The following CETP variants were observed in gnomAD, a reference collection of about 807,000 sequenced individuals.
CETP encodes the protein BPI fold containing family F.
CETP carries 56 observed loss-of-function variants against 66.5 expected under a neutral mutation model. That is an observed-to-expected ratio of 0.84 (90% CI 0.68 to 1.05). The LOEUF (loss-of-function observed/expected upper bound fraction) is 1.05, where lower values mean the gene tolerates loss of function less well. Among genes scored for constraint, CETP ranks in the 50% least tolerant of loss-of-function variants. The pLI, the probability that CETP is intolerant of heterozygous loss-of-function variation, is 0.00. For synonymous variants in CETP, 251 were observed against 245.7 expected (o/e 1.02, Z -0.20); for missense variants, 612 against 609.6 (o/e 1.00, Z -0.04).
In CETP at chr16:56,982,063, G is replaced by A. The variant is rs527900327; in HGVS notation, c.1249-102G>A. 146 of 1,108,142 alleles carry A rather than the reference G, an allele frequency of 1.3e-4. 1 individual carries two copies. In the African/African-American group the frequency reaches 1.6e-3, roughly 12 times the overall value. 68.6% of individuals were successfully genotyped at this position (1,108,142 alleles called of 1,614,324 possible). A position where few individuals can be genotyped will look rare whatever the true frequency, so the allele number is the denominator to read the frequency against. On this transcript the variant is annotated intron_variant, in intron 13 of 15. Coordinates refer to ENST00000200676, the MANE Select transcript of CETP (RefSeq NM_000078.3). ...AGTGGGTTGGATGTATTTTTTTCAC[G>A]GATGGGCATGAGGATGAATGCTTGT...
At chr16:56,980,631 A>C (rs1169175223) in intron 11 of CETP, among the ~76,000 whole-genome samples, 1 of 152,210 alleles carries the variant, frequency 6.6e-6, no homozygotes, top group Non-Finnish European at 1.5e-5. Context: ...TGTTAAAAAA[A>C]AGAATTATTC....
At chr16:56,982,633 C>T (rs1348104238) in intron 14 of CETP, among the ~76,000 whole-genome samples, 1 of 152,180 alleles carries the variant, frequency 6.6e-6, no homozygotes, top group African/African-American at 2.4e-5. Flanking sequence ...TCCCAATTTT[C>T]CTTTTGACCT....
intron 1 of CETP, among the ~76,000 whole-genome samples, chr16:56,962,628 TA>T (rs2056032162): frequency 6.6e-6 from 1 of 151,792 alleles, no homozygotes; most frequent in Admixed American, 6.6e-5. Context: ...TAAAATAGAG[TA>T]TCGCCAAGTT....
At chr16:56,973,267 C>A in intron 8 of CETP, 64 bp from the exon 9 acceptor site, 1 of 1,565,568 alleles carries the variant, frequency 6.4e-7, no homozygotes, top group Non-Finnish European at 8.8e-7. Context: ...CCCAATCTCC[C>A]TGAAGCTGGA....
rs7192120 is a variant in CETP at position 56,981,172 on chromosome 16, C to T, written c.1161C>T (p.Thr387=). Residue 387 remains threonine, a synonymous_variant, in exon 12 of 16, where the codon ACC becomes ACT. Transcript: ENST00000200676. The stretch of plus-strand genomic sequence containing the variant: ...TCTCTCCCCAGGATATCGTGACTAC[C>T]GTCCAGGCCTCCTATTCTAAGAAAA... The part of the protein sequence containing the change: ...AYTFEEDIVT[T]VQASYSKKKL... 1.8e-3 allele frequency: 2,888 copies of T among 1,613,300 alleles called. 6 individuals carry two copies. The highest frequency in any genetic ancestry group is 6.9e-3 in the African/African-American group (520 of 75,006).
chr16:56,982,187 G>A lies in CETP; in HGVS notation c.1271G>A (p.Ser424Asn). 1 of 1,614,202 alleles carries A rather than the reference G, an allele frequency of 6.2e-7. No homozygotes were observed. The highest frequency in any genetic ancestry group is 8.5e-7 in the Non-Finnish European group (1 of 1,180,030). ...LTESSSESVQSFLQSMITAVG... is the reference protein window; with the variant it reads ...LTESSSESVQNFLQSMITAVG... ...CAGAGCAGCTCCGAGTCCGTCCAGA[G>A]CTTCCTGCAGTCAATGATCACCGCT... The change falls in exon 14 of 16, where the codon AGC becomes AAC. Residue 424 changes from serine to asparagine, a missense_variant. By Grantham distance (46) the Ser-to-Asn change is conservative (BLOSUM62 1). Transcript: ENST00000200676.
chr16:56,972,039 G>A lies in CETP; in HGVS notation c.706G>A (p.Gly236Ser), dbSNP rs1207718100. 1.2e-5 allele frequency: 20 copies of A among 1,614,054 alleles called. No homozygotes were observed. Among genetic ancestry groups the A allele is most frequent in the African/African-American group, 5.3e-5 (4 of 74,916 alleles). The change falls in exon 8 of 16, where the codon GGT (glycine) becomes AGT (serine). Residue 236 changes from glycine to serine, a missense_variant. Gly to Ser is a moderately conservative substitution (Grantham distance 56). Transcript: ENST00000200676. ...CATTGGGGTGGACATTTCCCTGACAGGTGATCCCGTCATCACAGCCTCCTA... is the reference window on the plus strand; with the variant it reads ...CATTGGGGTGGACATTTCCCTGACAAGTGATCCCGTCATCACAGCCTCCTA... Reference protein sequence around the residue: ...GDIGVDISLTGDPVITASYLE... With the variant: ...GDIGVDISLTSDPVITASYLE...
chr16:56,963,819 T>C (rs1037209103), intron 2 of CETP, among the ~76,000 whole-genome samples: 3 of 151,262 alleles, frequency 2.0e-5, no homozygotes, highest in Admixed American at 1.3e-4. Context: ...CAGGCACACG[T>C]CACCACATCC....
rs1479890768 is a variant in CETP at position 56,983,358 on chromosome 16, A to G, written c.1354A>G (p.Ser452Gly). ...LEVVFTALMNSKGVSLFDIIN... is the reference protein window; with the variant it reads ...LEVVFTALMNGKGVSLFDIIN... ...GGTAGTGTTTACAGCCCTCATGAACAGCAAAGGCGTGAGCCTCTTCGACAT... is the reference window on the plus strand; with the variant it reads ...GGTAGTGTTTACAGCCCTCATGAACGGCAAAGGCGTGAGCCTCTTCGACAT... The change falls in exon 15 of 16, where the codon AGC (serine) becomes GGC (glycine). Residue 452 changes from serine to glycine, a missense_variant. By Grantham distance (56) the Ser-to-Gly change is moderately conservative. Coordinates refer to ENST00000200676, the MANE Select transcript of CETP (RefSeq NM_000078.3). 1.2e-5 allele frequency: 19 copies of G among 1,614,144 alleles called. No homozygotes were observed. The highest frequency in any genetic ancestry group is 1.6e-5 in the Non-Finnish European group (19 of 1,180,056).
chr16:56,972,131 T>C, intron 8 of CETP, 48 bp downstream of exon 8: 1 of 1,474,862 alleles, frequency 6.8e-7, no homozygotes, highest in Non-Finnish European at 9.5e-7. Context: ...CCCAGGGGAG[T>C]TGGTCCTTTT....
intron 2 of CETP, among the ~76,000 whole-genome samples, chr16:56,964,426 A>G (rs1428853796): frequency 6.6e-6 from 1 of 152,194 alleles, no homozygotes; most frequent in African/African-American, 2.4e-5. Context: ...AGGAGCCGAT[A>G]GAGGTTTAGC....
chr16:56,973,321 C>G lies in CETP; in HGVS notation c.751-10C>G. On this transcript the variant is annotated splice_polypyrimidine_tract_variant and intron_variant, in intron 8 of 15. Coordinates refer to ENST00000200676, the MANE Select transcript of CETP (RefSeq NM_000078.3). ...ACACAGGGTCCAGCCAGCGTCCTGG[C>G]TTCCTCCAGGGTCATTTCATCTACA... The G allele has an allele frequency of 6.2e-7, 1 of 1,614,132 alleles. No individual in the cohort carries two copies. Among genetic ancestry groups the G allele is most frequent in the Non-Finnish European group, 8.5e-7 (1 of 1,180,004 alleles).
At position 56,969,411 on chromosome 16, in the gene CETP, G is replaced by T. The variant is rs779052928; in HGVS notation, c.259G>T (p.Ala87Ser). The change falls in exon 3 of 16, where the codon GCC (alanine) becomes TCC (serine). Residue 87 changes from alanine to serine, a missense_variant. Coordinates refer to ENST00000200676, the MANE Select transcript of CETP (RefSeq NM_000078.3). ...CATCCAGATCAGCCACTTGTCCATC[G>T]CCAGCAGCCAGGTGGAGCTGGTGGA... The part of the protein sequence containing the change: ...HNIQISHLSI[A>S]SSQVELVEAK... 3.7e-6 allele frequency: 6 copies of T among 1,613,840 alleles called. No homozygotes were observed. In the South Asian group the frequency reaches 5.5e-5, roughly 15 times the overall value.
At position 56,973,452 on chromosome 16, in the gene CETP, C is replaced by A. The variant is rs200375648; in HGVS notation, c.872C>A (p.Ala291Asp). The part of the protein sequence containing the change: ...WFSERVFHSL[A>D]KVAFQDGRLM... ...TCTGAGCGAGTCTTCCACTCGCTGG[C>A]CAAGGTAGCTTTCCAGGATGGCCGC... The change falls in exon 9 of 16, where the codon GCC becomes GAC. Residue 291 changes from alanine (A) to aspartate (D), a missense_variant. Transcript: ENST00000200676. 8 of 1,614,194 alleles carry A rather than the reference C, an allele frequency of 5.0e-6. No homozygotes were observed. In the East Asian group the frequency reaches 1.8e-4, roughly 36 times the overall value.
At chr16:56,976,306 G>T (rs1319927425) in intron 10 of CETP, among the ~76,000 whole-genome samples, 2 of 152,116 alleles carry the variant, frequency 1.3e-5, no homozygotes, top group African/African-American at 4.8e-5. Flanking sequence ...CCTGCTTAAA[G>T]CCGGTGTAGG....
intron 5 of CETP, 78 bp downstream of exon 5, chr16:56,970,079 A>G: frequency 3.6e-6 from 5 of 1,378,350 alleles, no homozygotes; most frequent in Non-Finnish European, 5.0e-6. Context: ...TCCAGGCTCA[A>G]CCCCACACAG....
At chr16:56,977,991 G>A (rs113533202) in intron 10 of CETP, 100 bp from the exon 11 acceptor site, 2 of 1,473,490 alleles carry the variant, frequency 1.4e-6, no homozygotes, top group African/African-American at 2.8e-5. Context: ...CCCCAGCCCT[G>A]GGGCCCGGAG....
In CETP at chr16:56,983,300, G is replaced by A. The variant is rs760890183; in HGVS notation, c.1322-26G>A. The stretch of plus-strand genomic sequence containing the variant: ...CCGGCCTTGCTCCCCAAGAAGGGCT[G>A]ACTGGGGCTCTGTCCCCTGCCCCAG... On this transcript the variant is annotated intron_variant, in intron 14 of 15. Transcript: ENST00000200676. 3.1e-6 allele frequency: 5 copies of A among 1,607,638 alleles called. No homozygotes were observed. The East Asian group carries it at 1.1e-4, about 36-fold the overall frequency.
intron 8 of CETP, 53 bp from the exon 9 acceptor site, chr16:56,973,278 C>G: frequency 1.3e-6 from 2 of 1,594,650 alleles, no homozygotes. Context: ...TGAAGCTGGA[C>G]CTGAGCCCAG....
Sources: gnomAD v4.1 joint callset for allele counts (sites outside exome capture counted in the v4.1 genomes callset) on GRCh38, gnomAD v4.1.1 for gene constraint, MANE v1.5 for transcripts, NCBI Gene and HGNC (gene_info 2026-07-23, HGNC 2026-07-21) for gene names.